KAZN: variants seen among roughly 807,000 people sequenced by gnomAD.
KAZN encodes the protein kazrin.
Under a neutral mutation model 87.4 loss-of-function variants are expected in KAZN, and 40 were observed. That is an observed-to-expected ratio of 0.46 (90% CI 0.36 to 0.60). The LOEUF is 0.60. Among genes scored for constraint, KAZN ranks in the 20% least tolerant of loss-of-function variants. The probability of loss-of-function intolerance (pLI) is 0.00; values close to 1 mark genes in which losing one functional copy is unlikely to be tolerated. For missense variants in KAZN, 898 were observed against 1,073.9 expected (o/e 0.84, Z 2.29); for synonymous variants, 466 against 458.3 (o/e 1.02, Z -0.22).
chr1:14,898,261 T>C (rs1363125050), intron 1 of KAZN, among the ~76,000 whole-genome samples: 1 of 152,048 alleles, frequency 6.6e-6, no homozygotes, highest in Non-Finnish European at 1.5e-5. Context: ...AGACATACCA[T>C]AATAAGTGCC....
intron 13 of KAZN, among the ~76,000 whole-genome samples, chr1:15,106,487 C>A (rs1351334753): frequency 6.6e-6 from 1 of 152,156 alleles, no homozygotes; most frequent in African/African-American, 2.4e-5. Context: ...AAACTCTTGA[C>A]CACTCATGAG....
intron 1 of KAZN, among the ~76,000 whole-genome samples, chr1:14,763,592 G>A (rs2100557104): frequency 6.6e-6 from 1 of 152,322 alleles, no homozygotes; most frequent in Non-Finnish European, 1.5e-5. Context: ...TCGGAATGAT[G>A]CTTTAATCCT....
At chr1:14,886,504 G>A (rs376414371) in intron 1 of KAZN, among the ~76,000 whole-genome samples, 5 of 150,696 alleles carry the variant, frequency 3.3e-5, no homozygotes, top group Admixed American at 6.6e-5. Context: ...ATATAAACAC[G>A]CATATGGCCA....
At chr1:14,304,222 C>T (rs1200286425) in intron 2 of KAZN, among the ~76,000 whole-genome samples, 1 of 152,212 alleles carries the variant, frequency 6.6e-6, no homozygotes, top group Non-Finnish European at 1.5e-5. Context: ...TGTCTGGCTG[C>T]AGTAGTTTGC....
chr1:14,660,097 A>C (rs896451293), intron 1 of KAZN, among the ~76,000 whole-genome samples: 13 of 152,114 alleles, frequency 8.5e-5, no homozygotes, highest in Non-Finnish European at 1.8e-4. Flanking sequence ...AATCTTGATA[A>C]TGCGATTAGG....
intron 1 of KAZN, among the ~76,000 whole-genome samples, chr1:13,980,725 T>C (rs1210591781): frequency 6.6e-6 from 1 of 152,098 alleles, no homozygotes; most frequent in Admixed American, 6.5e-5. Flanking sequence ...CAGACAAAAT[T>C]CTGGCTTGGG....
intron 1 of KAZN, among the ~76,000 whole-genome samples, chr1:14,086,886 T>C (rs1490893011): frequency 6.6e-6 from 1 of 152,238 alleles, no homozygotes; most frequent in Non-Finnish European, 1.5e-5. Context: ...TTGTAGACAC[T>C]GTCTTCTGTG....
chr1:14,627,978 ACTCTCT>A (rs3087168), intron 1 of KAZN, among the ~76,000 whole-genome samples: 14 of 143,740 alleles, frequency 9.7e-5, no homozygotes, highest in African/African-American at 3.6e-4. Context: ...TGGATATGGA[ACTCTCT>A]CTCTCTCTCT....
intron 8 of KAZN, among the ~76,000 whole-genome samples, chr1:15,092,060 GTTTTTTTTTTTGATTTT>G (rs1640563029): frequency 8.7e-6 from 1 of 114,448 alleles, no homozygotes; most frequent in African/African-American, 3.3e-5. Flanking sequence ...TTGTTTTTTT[GTTTTTTTTTTTGATTTT>G]TTTTTTTTTT....
intron 1 of KAZN, among the ~76,000 whole-genome samples, chr1:14,118,923 G>A (rs574412598): frequency 7.2e-5 from 11 of 152,202 alleles, no homozygotes; most frequent in African/African-American, 2.4e-4. Flanking sequence ...TTGGTTTCCT[G>A]GCTTCTCTCA....
chr1:14,832,903 T>A (rs946401641), intron 1 of KAZN, among the ~76,000 whole-genome samples: 2 of 152,238 alleles, frequency 1.3e-5, no homozygotes, highest in Non-Finnish European at 2.9e-5. Context: ...AGCGTGCTCA[T>A]TCCTTTAGGG....
intron 8 of KAZN, among the ~76,000 whole-genome samples, chr1:15,083,943 T>A (rs1422696207): frequency 6.6e-6 from 1 of 152,160 alleles, no homozygotes; most frequent in Non-Finnish European, 1.5e-5. Context: ...GAAGCAGAGC[T>A]CCCACACTAG....
intron 1 of KAZN, among the ~76,000 whole-genome samples, chr1:14,648,995 G>C (rs1681017003): frequency 1.3e-5 from 2 of 152,204 alleles, no homozygotes; most frequent in South Asian, 4.1e-4. Flanking sequence ...CATCAGCTCT[G>C]TCCACATATT....
chr1:15,032,180 CTT>C (rs376242671), intron 2 of KAZN, among the ~76,000 whole-genome samples: 4 of 82,704 alleles, frequency 4.8e-5, no homozygotes, highest in African/African-American at 9.6e-5. Flanking sequence ...GTGGACATTT[CTT>C]TTTTTTTTTT....
intron 2 of KAZN, among the ~76,000 whole-genome samples, chr1:14,991,270 G>A (rs185904622): frequency 1.4e-4 from 22 of 152,136 alleles, no homozygotes; most frequent in African/African-American, 4.1e-4. Context: ...CAGGAGAATC[G>A]CTTGAACCCG....
intron 1 of KAZN, among the ~76,000 whole-genome samples, chr1:14,841,645 C>G (rs1648031974): frequency 6.6e-6 from 1 of 152,302 alleles, no homozygotes; most frequent in East Asian, 1.9e-4. Flanking sequence ...AGTGACGTCA[C>G]ATTGGCTTAA....
rs556154684 is a variant in KAZN at position 15,076,387 on chromosome 1, G to C, written c.1222+10634G>C. Among the ~76,000 whole-genome samples, 14 of 152,358 alleles carry C rather than the reference G, an allele frequency of 9.2e-5. No individual in the cohort carries two copies. The South Asian group carries it at 2.5e-3, about 27-fold the overall frequency. ...CTTGAGGAAAGGCCTCGGCTTCGGAGCTAGATCCTGAGGCTCAATCCCAGC... is the reference window on the plus strand; with the variant it reads ...CTTGAGGAAAGGCCTCGGCTTCGGACCTAGATCCTGAGGCTCAATCCCAGC... On this transcript the variant is annotated intron_variant, in intron 8 of 14. Transcript: ENST00000376030.
At chr1:14,832,803 A>G (rs907283033) in intron 1 of KAZN, among the ~76,000 whole-genome samples, 2 of 151,830 alleles carry the variant, frequency 1.3e-5, no homozygotes, top group Non-Finnish European at 2.9e-5. Context: ...TAAATGGTTG[A>G]AAAAAAACAA....
intron 1 of KAZN, among the ~76,000 whole-genome samples, chr1:14,151,482 A>G (rs771792388): frequency 3.3e-5 from 5 of 152,190 alleles, no homozygotes; most frequent in African/African-American, 1.2e-4. Flanking sequence ...TATATTTCCC[A>G]TATTGATGTT....
Sources: gnomAD v4.1 joint callset for allele counts (sites outside exome capture counted in the v4.1 genomes callset) on GRCh38, gnomAD v4.1.1 for gene constraint, MANE v1.5 for transcripts, NCBI Gene and HGNC (gene_info 2026-07-23, HGNC 2026-07-21) for gene names.